Variants in PCSK2 observed in about 807,000 individuals in gnomAD.
The protein encoded by PCSK2 is proprotein convertase subtilisin/kexin type 2, also known as neuroendocrine convertase 2.
Under a neutral mutation model 69.7 loss-of-function variants are expected in PCSK2, and 14 were observed. That is an observed-to-expected ratio of 0.20 (90% confidence interval 0.13 to 0.31). PCSK2 has a LOEUF of 0.31. PCSK2 is among the 10% of genes least tolerant of loss of function. The pLI, the probability that PCSK2 is intolerant of heterozygous loss-of-function variation, is 1.00. For missense variants in PCSK2, 544 were observed against 842.5 expected (o/e 0.65, Z 4.39); for synonymous variants, 307 against 320.7 (o/e 0.96, Z 0.46).
intron 4 of PCSK2, among the ~76,000 whole-genome samples, chr20:17,368,371 G>A (rs1370384773): frequency 6.6e-6 from 1 of 152,166 alleles, no homozygotes; most frequent in Non-Finnish European, 1.5e-5. Flanking sequence ...CTGAAGTCTT[G>A]CAGGCAGTTA....
intron 2 of PCSK2, among the ~76,000 whole-genome samples, chr20:17,300,348 G>A (rs926588034): frequency 1.3e-5 from 2 of 152,236 alleles, no homozygotes; most frequent in East Asian, 1.9e-4. Context: ...GAATTAAAAT[G>A]CATCTCCCCA....
chr20:17,278,189 G>A (rs370691645), intron 2 of PCSK2, among the ~76,000 whole-genome samples: 2 of 152,098 alleles, frequency 1.3e-5, no homozygotes, highest in African/African-American at 4.8e-5. Context: ...AGAACTAGAA[G>A]TACCATTTGA....
chr20:17,311,637 A>C (rs1385494532), intron 2 of PCSK2, among the ~76,000 whole-genome samples: 1 of 152,168 alleles, frequency 6.6e-6, no homozygotes, highest in Non-Finnish European at 1.5e-5. Context: ...TTCATTATGT[A>C]GTTTATTATG....
At chr20:17,359,264 C>T (rs778114153) in intron 3 of PCSK2, among the ~76,000 whole-genome samples, 3 of 152,212 alleles carry the variant, frequency 2.0e-5, no homozygotes, top group Non-Finnish European at 4.4e-5. Context: ...CAGAGCTTGA[C>T]TCTGACTTAT....
intron 3 of PCSK2, among the ~76,000 whole-genome samples, chr20:17,360,002 G>A (rs1407907969): frequency 6.6e-6 from 1 of 152,152 alleles, no homozygotes; most frequent in Non-Finnish European, 1.5e-5. Flanking sequence ...CTTTAATTCA[G>A]TTCAACAAAT....
At chr20:17,398,509 G>A (rs1343250545) in intron 5 of PCSK2, among the ~76,000 whole-genome samples, 1 of 128,596 alleles carries the variant, frequency 7.8e-6, no homozygotes, top group African/African-American at 3.0e-5. Context: ...GGGTTACAGA[G>A]TGAGATCCTG....
intron 1 of PCSK2, among the ~76,000 whole-genome samples, chr20:17,245,438 T>C (rs1600405647): frequency 6.6e-6 from 1 of 152,210 alleles, no homozygotes; most frequent in Non-Finnish European, 1.5e-5. Context: ...GTGAAGATAC[T>C]AGCATGTAAT....
chr20:17,452,172 G>A (rs115097274), intron 8 of PCSK2, among the ~76,000 whole-genome samples: 3,253 of 151,970 alleles, frequency 0.021, 127 homozygotes, highest in African/African-American at 0.074. Flanking sequence ...GAACCACCGC[G>A]CCCGGCCACA....
intron 8 of PCSK2, among the ~76,000 whole-genome samples, chr20:17,442,017 C>CA (rs11483753): frequency 0.36 from 33,349 of 93,316 alleles, 4,827 homozygotes; most frequent in South Asian, 0.54. Context: ...ATTTAAAAGA[C>CA]AAAAAAAAAA....
chr20:17,409,234 G>A, intron 5 of PCSK2, 29 bp from the exon 6 acceptor site: 1 of 1,584,140 alleles, frequency 6.3e-7, no homozygotes, highest in Non-Finnish European at 8.7e-7. Context: ...TGGCTGTACG[G>A]ACCTAATGAG....
At chr20:17,468,635 T>C (rs1451165936) in intron 11 of PCSK2, among the ~76,000 whole-genome samples, 1 of 133,438 alleles carries the variant, frequency 7.5e-6, no homozygotes, top group Non-Finnish European at 1.6e-5. Context: ...CGTAGAAGGG[T>C]AGCCCACTAT....
At chr20:17,415,214 G>T (rs1382037307) in intron 6 of PCSK2, among the ~76,000 whole-genome samples, 1 of 152,084 alleles carries the variant, frequency 6.6e-6, no homozygotes, top group Non-Finnish European at 1.5e-5. Flanking sequence ...AGAAATAACG[G>T]TATTCAAATA....
At position 17,331,126 on chromosome 20, in the gene PCSK2, T is replaced by C. The variant is rs1438291417; in HGVS notation, c.283-27201T>C. ...AAGGTAAGCACCCAAAGAACTGACA[T>C]GGATAGATCTAAAGGTAGCGCTCCT... On this transcript the variant is annotated intron_variant, in intron 2 of 11. Transcript: ENST00000262545. 3.9e-5 allele frequency among the ~76,000 whole-genome samples: 6 copies of C among 152,080 alleles called. No individual in the cohort carries two copies. The South Asian group carries it at 1.0e-3, about 26-fold the overall frequency.
rs1491158447 is a variant in PCSK2 at position 17,338,170 on chromosome 20, TTG to T, written c.283-20156_283-20155del. Reference sequence around the variant, plus strand: ...TCTGAGAAGAAACCTTACATTTTTTTTGGGGGGGGGGGTTGTGTTTTTGTTTT... The same window carrying T: ...TCTGAGAAGAAACCTTACATTTTTTTGGGGGGGGGGTTGTGTTTTTGTTTT... On this transcript the variant is annotated intron_variant, in intron 2 of 11. Coordinates refer to ENST00000262545, the MANE Select transcript of PCSK2 (RefSeq NM_002594.5). 4.3e-4 allele frequency among the ~76,000 whole-genome samples: 43 copies of T among 99,786 alleles called. 2 individuals are homozygous for T. Among genetic ancestry groups the T allele is most frequent in the Non-Finnish European group, 2.0e-4 (9 of 46,092 alleles). The allele number at this position is 99,786 out of a possible 152,430, so 65.5% of individuals were successfully genotyped here. A position where few individuals can be genotyped will look rare whatever the true frequency, so the allele number is the denominator to read the frequency against.
intron 2 of PCSK2, among the ~76,000 whole-genome samples, chr20:17,311,980 C>G (rs1600479954): frequency 6.6e-6 from 1 of 152,184 alleles, no homozygotes. Context: ...TAACTGAACA[C>G]AGGGACCAAA....
At chr20:17,269,030 C>T (rs1987752490) in intron 2 of PCSK2, among the ~76,000 whole-genome samples, 1 of 152,140 alleles carries the variant, frequency 6.6e-6, no homozygotes, top group African/African-American at 2.4e-5. Flanking sequence ...GGCACTTATG[C>T]ATATGGACAA....
At chr20:17,344,616 T>G (rs148587250) in intron 2 of PCSK2, among the ~76,000 whole-genome samples, 2 of 128,880 alleles carry the variant, frequency 1.6e-5, no homozygotes, top group East Asian at 4.5e-4. Flanking sequence ...TTTCAAGAAT[T>G]CATTTGTATT....
chr20:17,295,905 G>A (rs1175111017), intron 2 of PCSK2, among the ~76,000 whole-genome samples: 4 of 152,118 alleles, frequency 2.6e-5, no homozygotes, highest in Non-Finnish European at 5.9e-5. Context: ...AACCACTGTG[G>A]CCTGCACCCA....
At chr20:17,437,411 C>T (rs1285008068) in intron 8 of PCSK2, among the ~76,000 whole-genome samples, 1 of 152,198 alleles carries the variant, frequency 6.6e-6, no homozygotes, top group Non-Finnish European at 1.5e-5. Context: ...GAGAAGGAAG[C>T]TGGGCAGAGC....
Sources: gnomAD v4.1 joint callset for allele counts (sites outside exome capture counted in the v4.1 genomes callset) on GRCh38, gnomAD v4.1.1 for gene constraint, MANE v1.5 for transcripts, NCBI Gene and HGNC (gene_info 2026-07-23, HGNC 2026-07-21) for gene names.